Variants in SORCS1 observed in about 807,000 individuals in gnomAD.
The protein encoded by SORCS1 is sortilin related VPS10 domain containing receptor 1.
In SORCS1, 60 loss-of-function variants were observed where a neutral mutation model predicts 146.1. That is an observed-to-expected ratio of 0.41 (90% CI 0.33 to 0.51). The LOEUF (loss-of-function observed/expected upper bound fraction) is 0.51, where lower values mean the gene tolerates loss of function less well. SORCS1 is among the 20% of genes least tolerant of loss of function. The pLI is 0.21. For missense variants in SORCS1, 1,352 were observed against 1,487.6 expected, an observed-to-expected ratio of 0.91 and a Z score of 1.50; for synonymous variants, 637 against 584.0, an observed-to-expected ratio of 1.09 and a Z score of -1.31.
At chr10:106,819,738 A>G (rs1371074202) in intron 3 of SORCS1, among the ~76,000 whole-genome samples, 1 of 152,152 alleles carries the variant, frequency 6.6e-6, no homozygotes, top group Non-Finnish European at 1.5e-5. Flanking sequence ...ACAGCCATCA[A>G]TATCTTTTAC....
chr10:106,995,531 G>A (rs1956955327), intron 1 of SORCS1, among the ~76,000 whole-genome samples: 1 of 152,078 alleles, frequency 6.6e-6, no homozygotes, highest in South Asian at 2.1e-4. Context: ...GAAGGTATGG[G>A]GAAAAAAACG....
the SORCS1 span, among the ~76,000 whole-genome samples, chr10:107,175,794 T>C: frequency 6.6e-6 from 1 of 152,208 alleles, no homozygotes; most frequent in Non-Finnish European, 1.5e-5. Context: ...ACTTTATTCA[T>C]TGCATCTGAA....
chr10:106,579,341 G>T (rs767624840), intron 25 of SORCS1, 28 bp downstream of exon 25: 15 of 1,613,922 alleles, frequency 9.3e-6, no homozygotes, highest in Non-Finnish European at 1.3e-5. Context: ...GGTCAGGGGT[G>T]GGGGAACGTG....
chr10:107,049,669 GATTA>G lies in SORCS1; in HGVS notation c.559-93093_559-93090del, dbSNP rs1344637338. Among the ~76,000 whole-genome samples, 115 of 152,220 alleles carry G rather than the reference GATTA, an allele frequency of 7.6e-4. 1 individual carries two copies. Among genetic ancestry groups the G allele is most frequent in the Non-Finnish European group, 5.9e-5 (4 of 68,008 alleles). On this transcript the variant is annotated intron_variant, in intron 1 of 25. Coordinates refer to ENST00000263054, the MANE Select transcript of SORCS1 (RefSeq NM_052918.5). ...AATGTATTATTCAGGTTTGGGCAAC[GATTA>G]ATTAATCAGAACCCTTTTGTACTGG...
At chr10:106,830,591 T>TAA (rs201001660) in intron 2 of SORCS1, among the ~76,000 whole-genome samples, 2 of 149,194 alleles carry the variant, frequency 1.3e-5, no homozygotes, top group African/African-American at 5.0e-5. Context: ...TTTTTTTTTT[T>TAA]TAAAAAAATT....
At chr10:107,071,952 G>C (rs1962462701) in intron 1 of SORCS1, among the ~76,000 whole-genome samples, 1 of 152,196 alleles carries the variant, frequency 6.6e-6, no homozygotes, top group Non-Finnish European at 1.5e-5. Context: ...ATAGAGGAGA[G>C]ACCCAATGAG....
chr10:106,787,530 C>A (rs1946110380), intron 3 of SORCS1, among the ~76,000 whole-genome samples: 2 of 152,080 alleles, frequency 1.3e-5, no homozygotes, highest in Non-Finnish European at 2.9e-5. Context: ...CTATGCCAAC[C>A]CTATAAAACA....
At chr10:106,982,861 A>C (rs1322991935) in intron 1 of SORCS1, among the ~76,000 whole-genome samples, 3 of 152,124 alleles carry the variant, frequency 2.0e-5, no homozygotes, top group Non-Finnish European at 2.9e-5. Context: ...GAATAGGAAA[A>C]TAACCAAATA....
intron 1 of SORCS1, among the ~76,000 whole-genome samples, chr10:107,148,941 A>T (rs1340257801): frequency 2.0e-5 from 3 of 152,308 alleles, no homozygotes; most frequent in South Asian, 2.1e-4. Flanking sequence ...TCCTAAACTG[A>T]TTCTCTACTA....
intron 1 of SORCS1, among the ~76,000 whole-genome samples, chr10:106,983,964 T>C (rs1956344117): frequency 6.6e-6 from 1 of 152,190 alleles, no homozygotes; most frequent in African/African-American, 2.4e-5. Context: ...AGTAGGGTGA[T>C]AATTAATAAG....
At position 106,671,830 on chromosome 10, in the gene SORCS1, C is replaced by T. The variant is rs763057338; in HGVS notation, c.2059-463G>A. 2.0e-5 allele frequency among the ~76,000 whole-genome samples: 3 copies of T among 152,208 alleles called. No homozygotes were observed. In the South Asian group the frequency reaches 6.2e-4, roughly 31 times the overall value. The stretch of plus-strand genomic sequence containing the variant: ...ATTTATTATGCCTCTGCCCACACAA[C>T]TTTACAGCACAGATTTTAATGTTCC... On this transcript the variant is annotated intron_variant, in intron 15 of 25. Coordinates refer to ENST00000263054, the MANE Select transcript of SORCS1 (RefSeq NM_052918.5).
At chr10:106,606,272 TATACACACACACACACAC>T (rs977044327) in intron 23 of SORCS1, among the ~76,000 whole-genome samples, 15 of 107,752 alleles carry the variant, frequency 1.4e-4, no homozygotes, top group African/African-American at 2.3e-4. Flanking sequence ...CACACACAGA[TATACACACACACACACAC>T]ACACACACAC....
chr10:106,997,010 A>C (rs1367858946), intron 1 of SORCS1, among the ~76,000 whole-genome samples: 2 of 151,700 alleles, frequency 1.3e-5, no homozygotes, highest in Non-Finnish European at 2.9e-5. Flanking sequence ...AGGTAGGAGG[A>C]CTGCATAACA....
At chr10:107,173,560 T>G in the SORCS1 span, among the ~76,000 whole-genome samples, 1 of 152,182 alleles carries the variant, frequency 6.6e-6, no homozygotes, top group African/African-American at 2.4e-5. Context: ...ATGATGTAAT[T>G]CAATTTATCA....
intron 5 of SORCS1, among the ~76,000 whole-genome samples, chr10:106,734,694 T>C (rs1856826510): frequency 6.6e-6 from 1 of 152,190 alleles, no homozygotes; most frequent in Admixed American, 6.5e-5. Flanking sequence ...TTAAAATAAG[T>C]TAACATAATT....
intron 2 of SORCS1, among the ~76,000 whole-genome samples, chr10:106,831,003 G>T (rs1477189499): frequency 6.6e-6 from 1 of 152,080 alleles, no homozygotes; most frequent in Non-Finnish European, 1.5e-5. Flanking sequence ...GACCAGCCTG[G>T]CCAACATAGT....
intron 1 of SORCS1, among the ~76,000 whole-genome samples, chr10:106,957,155 G>GTTTTTTTTTTTTTTTTTTTT (rs373309411): frequency 7.3e-6 from 1 of 136,430 alleles, no homozygotes. Flanking sequence ...TTAGCATGTG[G>GTTTTTTTTTTTTTTTTTTTT]TTTTTTTTTG....
intron 18 of SORCS1, among the ~76,000 whole-genome samples, chr10:106,632,565 T>A (rs1848499889): frequency 6.6e-6 from 1 of 152,208 alleles, no homozygotes; most frequent in African/African-American, 2.4e-5. Flanking sequence ...GGTCATTCAC[T>A]CATTCACCCA....
intron 5 of SORCS1, among the ~76,000 whole-genome samples, chr10:106,753,381 C>T (rs1005470297): frequency 2.6e-5 from 4 of 151,954 alleles, no homozygotes; most frequent in Non-Finnish European, 5.9e-5. Flanking sequence ...GCTGGTATAT[C>T]TGAAGGAGGA....
Sources: gnomAD v4.1 joint callset for allele counts (sites outside exome capture counted in the v4.1 genomes callset) on GRCh38, gnomAD v4.1.1 for gene constraint, MANE v1.5 for transcripts, NCBI Gene and HGNC (gene_info 2026-07-23, HGNC 2026-07-21) for gene names.